Variants in ZNF804A observed in about 807,000 individuals in gnomAD.
ZNF804A encodes zinc finger protein 804A.
A neutral mutation model predicts 16.5 loss-of-function variants in ZNF804A; 2 were observed. The ratio of observed to expected loss-of-function variants is 0.12; its 90% CI spans 0.05 to 0.38. ZNF804A has a LOEUF of 0.38. ZNF804A is among the 10% of genes least tolerant of loss of function. The pLI is 0.99. For missense variants in ZNF804A, 1,473 were observed against 1,390.7 expected, an observed-to-expected ratio of 1.06 and a Z score of -0.94; for synonymous variants, 534 against 489.6, an observed-to-expected ratio of 1.09 and a Z score of -1.20.
chr2:184,613,687 G>A (rs751618835), intron 1 of ZNF804A, among the ~76,000 whole-genome samples: 1 of 152,086 alleles, frequency 6.6e-6, no homozygotes, highest in Admixed American at 6.6e-5. Flanking sequence ...AAGAATTGGT[G>A]CTACAAAGAG....
At chr2:184,611,176 C>T (rs554909502) in intron 1 of ZNF804A, among the ~76,000 whole-genome samples, 1 of 152,092 alleles carries the variant, frequency 6.6e-6, no homozygotes, top group Non-Finnish European at 1.5e-5. Context: ...TCTATAAGGG[C>T]ACTAATCTGT....
intron 2 of ZNF804A, among the ~76,000 whole-genome samples, chr2:184,871,439 A>C (rs987856182): frequency 4.6e-5 from 7 of 151,232 alleles, no homozygotes; most frequent in Non-Finnish European, 8.8e-5. Flanking sequence ...ACAAAAAAAA[A>C]CTCAATTTAG....
chr2:184,689,344 TA>T (rs1444167084), intron 1 of ZNF804A, among the ~76,000 whole-genome samples: 3 of 152,032 alleles, frequency 2.0e-5, no homozygotes, highest in Non-Finnish European at 4.4e-5. Flanking sequence ...AAAAGAAAAA[TA>T]AACCTGACAT....
At chr2:184,932,590 G>A (rs1405280094) in intron 2 of ZNF804A, among the ~76,000 whole-genome samples, 2 of 152,154 alleles carry the variant, frequency 1.3e-5, no homozygotes, top group African/African-American at 4.8e-5. Flanking sequence ...TACAATTCAA[G>A]ATGAGATTTG....
At chr2:184,911,539 AT>A (rs1685358565) in intron 2 of ZNF804A, among the ~76,000 whole-genome samples, 1 of 152,076 alleles carries the variant, frequency 6.6e-6, no homozygotes, top group African/African-American at 2.4e-5. Flanking sequence ...TAGTAATAGC[AT>A]TTAATCTATA....
intron 1 of ZNF804A, among the ~76,000 whole-genome samples, chr2:184,702,272 C>T (rs1328337717): frequency 6.6e-6 from 1 of 151,894 alleles, no homozygotes; most frequent in Non-Finnish European, 1.5e-5. Context: ...TTTGAGACAA[C>T]TGGAATGCAA....
chr2:184,864,633 A>AG (rs1294616587), intron 1 of ZNF804A, among the ~76,000 whole-genome samples: 3 of 152,194 alleles, frequency 2.0e-5, no homozygotes, highest in Non-Finnish European at 4.4e-5. Context: ...ATGCATGAAT[A>AG]TACAGTGCAA....
At position 184,645,215 on chromosome 2, in the gene ZNF804A, A is replaced by G. The variant is rs193244530; in HGVS notation, c.111+46145A>G. Among the ~76,000 whole-genome samples the G allele has an allele frequency of 1.5e-3, 221 of 152,218 alleles. 1 individual carries two copies. The highest frequency in any genetic ancestry group is 4.8e-3 in the African/African-American group (201 of 41,570). ...TTTGTATTATCTGTCTCCCATTTCA[A>G]CGTTTTGTCTTCATATGTTATTATG... On this transcript the variant is annotated intron_variant, in intron 1 of 3. Coordinates refer to ENST00000302277, the MANE Select transcript of ZNF804A (RefSeq NM_194250.2).
chr2:184,611,083 T>C (rs1031797783), intron 1 of ZNF804A, among the ~76,000 whole-genome samples: 12 of 152,144 alleles, frequency 7.9e-5, no homozygotes, highest in Non-Finnish European at 7.3e-5. Context: ...GGTGCCAATT[T>C]GGTGTCTGGT....
At position 184,686,093 on chromosome 2, in the gene ZNF804A, G is replaced by A. The variant is rs150405973; in HGVS notation, c.111+87023G>A. Among the ~76,000 whole-genome samples, 538 of 152,342 alleles carry A rather than the reference G, an allele frequency of 3.5e-3. 5 individuals are homozygous for A. The highest frequency in any genetic ancestry group is 9.4e-3 in the Admixed American group (144 of 15,308). ...CACAACTTTGCTCCACACTGGAGTG[G>A]GTGCTGGGTGTGAGGAGAGGCCAGA... is the stretch of plus-strand genomic sequence containing the variant. On this transcript the variant is annotated intron_variant, in intron 1 of 3. Coordinates refer to ENST00000302277, the MANE Select transcript of ZNF804A (RefSeq NM_194250.2).
chr2:184,765,624 G>A (rs1017605801), intron 1 of ZNF804A, among the ~76,000 whole-genome samples: 1 of 109,002 alleles, frequency 9.2e-6, no homozygotes, highest in Admixed American at 1.4e-4. Flanking sequence ...CCTTAGAGTC[G>A]TGAGCCCTTA....
At chr2:184,898,488 C>G (rs1006327786) in intron 2 of ZNF804A, among the ~76,000 whole-genome samples, 1 of 151,988 alleles carries the variant, frequency 6.6e-6, no homozygotes, top group Non-Finnish European at 1.5e-5. Context: ...CAGTTCATAC[C>G]TATACTAAGC....
At chr2:184,818,246 C>T (rs1057313986) in intron 1 of ZNF804A, among the ~76,000 whole-genome samples, 2 of 151,878 alleles carry the variant, frequency 1.3e-5, no homozygotes, top group African/African-American at 2.4e-5. Flanking sequence ...AGACTGGGGG[C>T]TAATATTCAA....
chr2:184,682,569 C>T (rs1408106178), intron 1 of ZNF804A, among the ~76,000 whole-genome samples: 1 of 151,826 alleles, frequency 6.6e-6, no homozygotes, highest in Non-Finnish European at 1.5e-5. Context: ...CTGCATACTC[C>T]TTCATTAAAA....
Position 184,661,748 on chromosome 2 carries a change from G to A in ZNF804A, c.111+62678G>A, listed in dbSNP as rs546243513. ...TGAATTCAACTGTCTTTGGCATGAA[G>A]ATGGGGTTTCACCAGGGACCAGTCC... On this transcript the variant is annotated intron_variant, in intron 1 of 3. Coordinates refer to ENST00000302277, the MANE Select transcript of ZNF804A (RefSeq NM_194250.2). Among the ~76,000 whole-genome samples the A allele has an allele frequency of 2.0e-4, 31 of 152,296 alleles. No individual in the cohort carries two copies. In the South Asian group the frequency reaches 6.2e-3, roughly 31 times the overall value.
intron 1 of ZNF804A, among the ~76,000 whole-genome samples, chr2:184,849,951 G>C (rs1223268708): frequency 1.3e-5 from 2 of 151,946 alleles, no homozygotes; most frequent in African/African-American, 4.8e-5. Context: ...TATGTTAAGT[G>C]AAATACGGGA....
rs186586318 is a variant in ZNF804A, at chr2:184,938,145, T to C, written c.2749T>C (p.Ser917Pro). 33 of 1,614,146 alleles carry C rather than the reference T, an allele frequency of 2.0e-5. 1 individual carries two copies. In the East Asian group the frequency reaches 2.9e-4, roughly 14 times the overall value. ...AGATGTTTCCAATGATCCCACCACA[T>C]CTGTCTGTGTAGCTAGTGCCCCAAC... The part of the protein sequence containing the change: ...LSDVSNDPTT[S>P]VCVASAPTKE... Residue 917 changes from serine to proline, a missense_variant, in exon 4 of 4, where the codon TCT becomes CCT. Coordinates refer to ENST00000302277, the MANE Select transcript of ZNF804A (RefSeq NM_194250.2).
intron 1 of ZNF804A, among the ~76,000 whole-genome samples, chr2:184,735,222 A>G (rs1028069804): frequency 6.6e-6 from 1 of 152,128 alleles, no homozygotes; most frequent in Non-Finnish European, 1.5e-5. Flanking sequence ...ATTTTTAAAA[A>G]TAATTCTTTC....
intron 1 of ZNF804A, among the ~76,000 whole-genome samples, chr2:184,769,063 A>G (rs555102888): frequency 1.3e-5 from 2 of 152,176 alleles, no homozygotes; most frequent in South Asian, 2.1e-4. Context: ...CATATGTTTT[A>G]TAGCACTTTC....
Sources: gnomAD v4.1 joint callset for allele counts (sites outside exome capture counted in the v4.1 genomes callset) on GRCh38, gnomAD v4.1.1 for gene constraint, MANE v1.5 for transcripts, NCBI Gene and HGNC (gene_info 2026-07-23, HGNC 2026-07-21) for gene names.